Variants in SEMA6D observed in about 807,000 individuals in gnomAD.
SEMA6D encodes semaphorin 6D, also known as semaphorin-6D.
A neutral mutation model predicts 106.6 loss-of-function variants in SEMA6D; 35 were observed. The observed-to-expected ratio is 0.33, with a 90% CI of 0.25 to 0.44. The LOEUF (loss-of-function observed/expected upper bound fraction) is 0.44, where lower values mean the gene tolerates loss of function less well. Among genes scored for constraint, SEMA6D ranks in the 20% least tolerant of loss-of-function variants. The pLI is 1.00. For synonymous variants in SEMA6D, 499 were observed against 487.7 expected, an observed-to-expected ratio of 1.02 and a Z score of -0.31; for missense variants, 1,185 against 1,345.9, an observed-to-expected ratio of 0.88 and a Z score of 1.87.
intron 1 of SEMA6D, among the ~76,000 whole-genome samples, chr15:47,408,315 G>A (rs2040665187): frequency 6.6e-6 from 1 of 152,130 alleles, no homozygotes; most frequent in Non-Finnish European, 1.5e-5. Flanking sequence ...CTACTGAGTA[G>A]TGTTTTCAAG....
At chr15:47,673,579 C>T (rs2078180300) in intron 4 of SEMA6D, among the ~76,000 whole-genome samples, 1 of 152,196 alleles carries the variant, frequency 6.6e-6, no homozygotes, top group Admixed American at 6.5e-5. Context: ...GCAGGGGAAC[C>T]TCGTTTTGAT....
intron 1 of SEMA6D, among the ~76,000 whole-genome samples, chr15:47,359,214 C>T (rs1486412877): frequency 6.6e-6 from 1 of 152,106 alleles, no homozygotes; most frequent in East Asian, 1.9e-4. Flanking sequence ...TGTATATGTA[C>T]ATGTGTACAT....
At chr15:47,306,492 C>T (rs552565624) in intron 1 of SEMA6D, among the ~76,000 whole-genome samples, 63 of 152,244 alleles carry the variant, frequency 4.1e-4, no homozygotes, top group African/African-American at 1.3e-3. Flanking sequence ...GAGGCTGAGG[C>T]GGGCAGATCA....
At chr15:47,395,712 G>C (rs1477601865) in intron 1 of SEMA6D, 2 of 152,200 alleles carry the variant, frequency 1.3e-5, no homozygotes, top group Non-Finnish European at 2.9e-5. Flanking sequence ...ACCAAATGCT[G>C]ATATTCAAAT....
chr15:47,524,145 A>G (rs538657176), intron 3 of SEMA6D, among the ~76,000 whole-genome samples: 21 of 152,180 alleles, frequency 1.4e-4, no homozygotes, highest in Non-Finnish European at 2.9e-4. Context: ...TGTATAATTT[A>G]GTGACAGTTT....
At chr15:47,364,159 G>A (rs1436813757) in intron 1 of SEMA6D, among the ~76,000 whole-genome samples, 2 of 152,212 alleles carry the variant, frequency 1.3e-5, no homozygotes, top group Non-Finnish European at 2.9e-5. Flanking sequence ...AGCCAGGCAA[G>A]ACAGTGCATG....
In SEMA6D at chr15:47,202,874, A is replaced by G. The variant is rs535377190; in HGVS notation, c.-239+18456A>G. On this transcript the variant is annotated intron_variant, in intron 1 of 19. Transcript: ENST00000558014. Reference sequence around the variant, plus strand: ...GAGCGAAAAAATGTGGACAAAGTGTAGGAAATTCTGTAATGAAGGAATTTC... The same window carrying G: ...GAGCGAAAAAATGTGGACAAAGTGTGGGAAATTCTGTAATGAAGGAATTTC... Among the ~76,000 whole-genome samples, 5 of 152,308 alleles carry G rather than the reference A, an allele frequency of 3.3e-5. No individual in the cohort carries two copies. In the South Asian group the frequency reaches 1.0e-3, roughly 32 times the overall value.
At chr15:47,223,708 T>C (rs1479506661) in intron 1 of SEMA6D, among the ~76,000 whole-genome samples, 2 of 152,004 alleles carry the variant, frequency 1.3e-5, no homozygotes, top group Non-Finnish European at 2.9e-5. Flanking sequence ...TCACTAACTT[T>C]ATCATAAAGC....
chr15:47,260,509 T>C (rs1055393997), intron 1 of SEMA6D, among the ~76,000 whole-genome samples: 1 of 152,132 alleles, frequency 6.6e-6, no homozygotes, highest in Admixed American at 6.5e-5. Context: ...GTAGAAGTTC[T>C]TTCCCCACCA....
intron 4 of SEMA6D, among the ~76,000 whole-genome samples, chr15:47,626,064 T>C (rs2077196214): frequency 6.6e-6 from 1 of 152,178 alleles, no homozygotes; most frequent in Admixed American, 6.5e-5. Flanking sequence ...TTTTAAAATA[T>C]ATAACTTGTG....
At chr15:47,505,156 G>A (rs758409350) in intron 3 of SEMA6D, among the ~76,000 whole-genome samples, 1 of 152,088 alleles carries the variant, frequency 6.6e-6, no homozygotes, top group Non-Finnish European at 1.5e-5. Flanking sequence ...ATGAAGGGAA[G>A]AGAAAGGACC....
intron 1 of SEMA6D, among the ~76,000 whole-genome samples, chr15:47,300,818 C>T (rs1410555844): frequency 6.6e-6 from 1 of 152,200 alleles, no homozygotes; most frequent in East Asian, 1.9e-4. Flanking sequence ...GCCAACACAG[C>T]TGTTGTATGT....
chr15:47,506,083 A>C (rs1566839400), intron 3 of SEMA6D, among the ~76,000 whole-genome samples: 1 of 152,178 alleles, frequency 6.6e-6, no homozygotes, highest in African/African-American at 2.4e-5. Flanking sequence ...GTGGGAGAGC[A>C]TGAGAAATGT....
chr15:47,584,284 A>C (rs2076300043), intron 3 of SEMA6D, among the ~76,000 whole-genome samples: 1 of 152,176 alleles, frequency 6.6e-6, no homozygotes, highest in South Asian at 2.1e-4. Flanking sequence ...TTAGCCAGGC[A>C]TGGTGGCACA....
At chr15:47,219,293 A>G (rs937894854) in intron 1 of SEMA6D, among the ~76,000 whole-genome samples, 1 of 152,192 alleles carries the variant, frequency 6.6e-6, no homozygotes, top group African/African-American at 2.4e-5. Context: ...CGAGAGATGG[A>G]CCATGGATCC....
At chr15:47,209,504 CAAAG>C (rs748119931) in intron 1 of SEMA6D, among the ~76,000 whole-genome samples, 5 of 152,078 alleles carry the variant, frequency 3.3e-5, no homozygotes, top group Non-Finnish European at 7.4e-5. Flanking sequence ...AAGTAATGCC[CAAAG>C]AATCATTTAT....
At chr15:47,289,356 T>A (rs2035502152) in intron 1 of SEMA6D, among the ~76,000 whole-genome samples, 2 of 126,020 alleles carry the variant, frequency 1.6e-5, no homozygotes, top group Admixed American at 2.0e-4. Context: ...ATCGTGCCAC[T>A]GCACTCCAGC....
intron 1 of SEMA6D, among the ~76,000 whole-genome samples, chr15:47,208,882 C>A (rs533081213): frequency 1.7e-3 from 257 of 152,218 alleles, no homozygotes; most frequent in African/African-American, 6.1e-3. Context: ...TAACTAGAGT[C>A]CCTCATACTG....
chr15:47,574,523 G>C (rs368420635), intron 3 of SEMA6D, among the ~76,000 whole-genome samples: 1 of 152,256 alleles, frequency 6.6e-6, no homozygotes, highest in East Asian at 1.9e-4. Context: ...TTCAAGGCTA[G>C]AGAACCCTCA....
Sources: gnomAD v4.1 joint callset for allele counts (sites outside exome capture counted in the v4.1 genomes callset) on GRCh38, gnomAD v4.1.1 for gene constraint, MANE v1.5 for transcripts, NCBI Gene and HGNC (gene_info 2026-07-23, HGNC 2026-07-21) for gene names.